The following PTPRS variants were observed in gnomAD, a reference collection of about 807,000 sequenced individuals.
PTPRS encodes the protein receptor-type tyrosine-protein phosphatase S.
Under a neutral mutation model 215.3 loss-of-function variants are expected in PTPRS, and 63 were observed. The observed-to-expected ratio is 0.29, with a 90% CI of 0.24 to 0.36. The LOEUF (loss-of-function observed/expected upper bound fraction) is 0.36, where lower values mean the gene tolerates loss of function less well. Ranked by LOEUF, PTPRS falls within the 10% of genes least tolerant of loss-of-function variation. PTPRS has a pLI of 1.00. For synonymous variants in PTPRS, 1,404 were observed against 1,191.4 expected, an observed-to-expected ratio of 1.18 and a Z score of -3.68; for missense variants, 2,258 against 2,825.8, an observed-to-expected ratio of 0.80 and a Z score of 4.56.
At chr19:5,256,008 G>T in intron 9 of PTPRS, 100 bp downstream of exon 9, 2 of 926,164 alleles carry the variant, frequency 2.2e-6, no homozygotes, top group Non-Finnish European at 3.2e-6. Context: ...GTGTCAGCGT[G>T]TGTCCGTGTG....
intron 1 of PTPRS, among the ~76,000 whole-genome samples, chr19:5,319,758 GCTCTTCC>G (rs886224867): frequency 3.9e-5 from 6 of 151,946 alleles, no homozygotes; most frequent in Admixed American, 1.3e-4. Context: ...TGCCTGGAAT[GCTCTTCC>G]CCCACGTTAT....
chr19:5,212,768 G>A (rs1460777223), intron 30 of PTPRS, among the ~76,000 whole-genome samples: 1 of 152,040 alleles, frequency 6.6e-6, no homozygotes, highest in Non-Finnish European at 1.5e-5. Context: ...GCTTGAACCT[G>A]GGAGGTGGAG....
At chr19:5,224,764 G>T (rs964167701) in intron 17 of PTPRS, among the ~76,000 whole-genome samples, 2 of 152,186 alleles carry the variant, frequency 1.3e-5, no homozygotes, top group Non-Finnish European at 2.9e-5. Context: ...ACAGGAGGCT[G>T]CTTGGAGGAG....
Position 5,257,487 on chromosome 19 carries a change from G to A in PTPRS, c.706+530C>T, listed in dbSNP as rs767876698. 1.4e-4 allele frequency: 62 copies of A among 456,540 alleles called. 1 individual carries two copies. The Middle Eastern group carries it at 2.3e-3, about 17-fold the overall frequency. The allele number at this position is 456,540 out of a possible 1,614,324, so 28.3% of individuals were successfully genotyped here. On this transcript the variant is annotated intron_variant, in intron 8 of 37. Transcript: ENST00000262963. The surrounding 1 kb of genome is among the most constrained non-coding windows in gnomAD (Gnocchi z 4.4). ...CGGGCTCCGGACCAGCTGGTGGGGG[G>A]TGGGAGGGGCAGCCTCGAAGACCCC...
chr19:5,231,551 A>G lies in PTPRS; in HGVS notation c.1914T>C (p.Ser638=). 1 of 1,607,690 alleles carries G rather than the reference A, an allele frequency of 6.2e-7. No homozygotes were observed. The highest frequency in any genetic ancestry group is 8.5e-7 in the Non-Finnish European group (1 of 1,178,994). Residue 638 remains serine, a synonymous_variant, in exon 14 of 38, where the codon AGT becomes AGC. Coordinates refer to ENST00000262963, the MANE Select transcript of PTPRS (RefSeq NM_002850.4). ...GCGTTTCCGGCGGCGGCGGGCGCCA[A>G]CTTACCAAAATGGCCGTGGAGCGCA... ...VSVRSTAILV[S]WRPPPPETHN...
At chr19:5,215,673 C>T (rs909961296) in intron 26 of PTPRS, 78 bp from the exon 27 acceptor site, 42 of 1,023,952 alleles carry the variant, frequency 4.1e-5, no homozygotes, top group South Asian at 3.5e-4. Flanking sequence ...GGGTGATCTA[C>T]GTGTGAGTCT....
chr19:5,286,341 G>A, intron 1 of PTPRS, 107 bp from the exon 2 acceptor site: 4 of 591,430 alleles, frequency 6.8e-6, no homozygotes, highest in Non-Finnish European at 1.2e-5. Context: ...TCCTGCGGGG[G>A]CTGGTCATGG....
chr19:5,302,901 C>CAAAAA (rs61244607), intron 1 of PTPRS, among the ~76,000 whole-genome samples: 3 of 112,578 alleles, frequency 2.7e-5, no homozygotes, highest in East Asian at 2.9e-4. Flanking sequence ...ACTAAAAATA[C>CAAAAA]AAAAAAAAAA....
intron 20 of PTPRS, 44 bp from the exon 21 acceptor site, chr19:5,220,397 T>G: frequency 6.6e-7 from 1 of 1,521,512 alleles, no homozygotes; most frequent in Non-Finnish European, 9.1e-7. Context: ...TCGATAGGGA[T>G]GACCAAGGGA....
chr19:5,324,385 C>T (rs947711277), intron 1 of PTPRS, among the ~76,000 whole-genome samples: 2 of 152,136 alleles, frequency 1.3e-5, no homozygotes, highest in Admixed American at 6.5e-5. Flanking sequence ...ACCTGAAACC[C>T]GCTTCCCCTG....
At chr19:5,306,409 T>G (rs1366590383) in intron 1 of PTPRS, among the ~76,000 whole-genome samples, 2 of 152,098 alleles carry the variant, frequency 1.3e-5, no homozygotes, top group Non-Finnish European at 2.9e-5. Flanking sequence ...CCTCCCAAAG[T>G]GCTGGGATTA....
Position 5,238,944 on chromosome 19 carries a change from C to T in PTPRS, c.1824G>A (p.Val608=). ...SPQGLGAFTP[V]VRQRTLQSKP... is the part of the protein sequence containing the mutation. ...TGGACTGCAGCGTGCGCTGCCGCAC[C>T]ACGGGGGTGAAGGCGCCCAGGCCCT... Residue 608 remains valine (V), a synonymous_variant, in exon 13 of 38, where the codon GTG becomes GTA. Coordinates refer to ENST00000262963, the MANE Select transcript of PTPRS (RefSeq NM_002850.4). 1 of 1,610,366 alleles carries T rather than the reference C, an allele frequency of 6.2e-7. No individual in the cohort carries two copies. The highest frequency in any genetic ancestry group is 8.5e-7 in the Non-Finnish European group (1 of 1,178,480).
intron 10 of PTPRS, 136 bp downstream of exon 10, chr19:5,245,640 C>A: frequency 7.7e-7 from 1 of 1,305,118 alleles, no homozygotes; most frequent in Non-Finnish European, 1.0e-6. Context: ...GAACAACCGT[C>A]CCCTTCCTAG....
rs141894958 is a variant in PTPRS at position 5,278,664 on chromosome 19, A to G, written c.92-4320T>C. The stretch of plus-strand genomic sequence containing the variant: ...TAATTTTTGTATTTTTAGTAGAGAC[A>G]GGGTTTCCCCATGTTGGCCAGGCTG... On this transcript the variant is annotated intron_variant, in intron 2 of 37. Transcript: ENST00000262963. Among the ~76,000 whole-genome samples the G allele has an allele frequency of 4.4e-3, 657 of 149,220 alleles. 2 individuals carry two copies. The highest frequency in any genetic ancestry group is 0.015 in the African/African-American group (592 of 40,502).
At chr19:5,328,005 C>A (rs2050216113) in intron 1 of PTPRS, among the ~76,000 whole-genome samples, 1 of 152,234 alleles carries the variant, frequency 6.6e-6, no homozygotes, top group African/African-American at 2.4e-5. Context: ...AGAAATCTCA[C>A]AGACTGTTTT....
At position 5,229,631 on chromosome 19, in the gene PTPRS, T is replaced by G; in HGVS notation, c.2209A>C (p.Ile737Leu). ...VEAEALNATA[I>L]RVLWRSPAPG... ...GCGGGCGAGCGCCACAGCACGCGGA[T>G]GGCCGTGGCGTTGAGCGCCTCCGCC... Residue 737 changes from isoleucine (I) to leucine (L), a missense_variant, in exon 15 of 38, where the codon ATC becomes CTC. By Grantham distance (5) the Ile-to-Leu change is conservative (BLOSUM62 2). Around this residue, in one of 6 missense-constraint regions of PTPRS, gnomAD observed 371 missense variants for 446.7 expected, o/e 0.83. Transcript: ENST00000262963. 1 of 1,361,022 alleles carries G rather than the reference T, an allele frequency of 7.3e-7. No homozygotes were observed. Among genetic ancestry groups the G allele is most frequent in the Non-Finnish European group, 9.4e-7 (1 of 1,060,476 alleles). The allele number at this position is 1,361,022 out of a possible 1,614,324, so 84.3% of individuals were successfully genotyped here. A position where few individuals can be genotyped will look rare whatever the true frequency, so the allele number is the denominator to read the frequency against.
At position 5,257,102 on chromosome 19, in the gene PTPRS, G is replaced by A. The variant is rs2045613979; in HGVS notation, c.706+915C>T. 6.6e-6 allele frequency among the ~76,000 whole-genome samples: 1 copy of A among 150,408 alleles called. No individual in the cohort carries two copies. The highest frequency in any genetic ancestry group is 2.1e-4 in the South Asian group (1 of 4,654). Reference sequence around the variant, plus strand: ...TAGGAGGTGAAAGGGAGGAGGAGGAGGAAGACTACAACTTCTGAAAAGACC... The same window carrying A: ...TAGGAGGTGAAAGGGAGGAGGAGGAAGAAGACTACAACTTCTGAAAAGACC... On this transcript the variant is annotated intron_variant, in intron 8 of 37. Transcript: ENST00000262963. The surrounding 1 kb of genome is among the most constrained non-coding windows in gnomAD (Gnocchi z 4.4).
chr19:5,303,954 A>AAAAAAAAAAAAATAAATAAAAAAAAAAT, intron 1 of PTPRS, among the ~76,000 whole-genome samples: 7 of 132,328 alleles, frequency 5.3e-5, no homozygotes, highest in African/African-American at 1.2e-4. Flanking sequence ...CTGTCTCAAA[A>AAAAAAAAAAAAATAAATAAAAAAAAAAT]AATAATAATA....
intron 1 of PTPRS, among the ~76,000 whole-genome samples, chr19:5,326,995 C>T (rs192549426): frequency 3.5e-4 from 54 of 152,306 alleles, no homozygotes; most frequent in African/African-American, 1.2e-3. Context: ...CCCTCCACAC[C>T]TGCTGAGGGT....
Sources: allele counts gnomAD v4.1 joint callset (sites outside exome capture counted in the v4.1 genomes callset), GRCh38; gene constraint gnomAD v4.1.1; regional missense constraint gnomAD v4.1.1; non-coding constraint Gnocchi (gnomAD v3.1); transcripts MANE v1.5; gene names NCBI Gene and HGNC (gene_info 2026-07-23, HGNC 2026-07-21).